The following ZNF839 variants were observed in gnomAD, a reference collection of about 807,000 sequenced individuals.
The protein encoded by ZNF839 is renal carcinoma antigen NY-REN-50.
A neutral mutation model predicts 56.4 loss-of-function variants in ZNF839; 38 were observed. The observed-to-expected ratio is 0.67, with a 90% confidence interval of 0.52 to 0.88. The LOEUF (loss-of-function observed/expected upper bound fraction) is 0.88, where lower values mean the gene tolerates loss of function less well. Among genes scored for constraint, ZNF839 ranks in the 40% least tolerant of loss-of-function variants. The pLI, the probability that ZNF839 is intolerant of heterozygous loss-of-function variation, is 0.00. For synonymous variants in ZNF839, 486 were observed against 493.5 expected, an observed-to-expected ratio of 0.98 and a Z score of 0.20; for missense variants, 1,091 against 1,177.6, an observed-to-expected ratio of 0.93 and a Z score of 1.08.
chr14:102,319,082 A>T (rs2072988539), upstream of ZNF839, among the ~76,000 whole-genome samples: 1 of 152,222 alleles, frequency 6.6e-6, no homozygotes, highest in South Asian at 2.1e-4. The surrounding 1 kb of genome is among the most constrained non-coding windows in gnomAD (Gnocchi z 4.5). Flanking sequence ...GGGGCAGTGG[A>T]GCTGGATGGA....
rs765056780 is a variant in ZNF839 at position 102,341,590 on chromosome 14, C to A, written c.2195C>A (p.Ser732Tyr). 1.3e-5 allele frequency: 21 copies of A among 1,613,768 alleles called. No homozygotes were observed. The highest frequency in any genetic ancestry group is 1.8e-5 in the Non-Finnish European group (21 of 1,179,800). The change falls in exon 8 of 8, where the codon TCT becomes TAT. Residue 732 changes from serine to tyrosine, a missense_variant. Ser to Tyr is a moderately radical substitution (Grantham distance 144). Transcript: ENST00000442396. ...AFPGENALEH[S>Y]SDQDTWDSLR... ...CCTGGAGAGAATGCTTTGGAACACT[C>A]TTCAGACCAGGACACCTGGGACAGC...
At position 102,321,403 on chromosome 14, in the gene ZNF839, C is replaced by G. The variant is rs565990515; in HGVS notation, c.288+1350C>G. Among the ~76,000 whole-genome samples, 3 of 152,286 alleles carry G rather than the reference C, an allele frequency of 2.0e-5. No homozygotes were observed. The East Asian group carries it at 5.8e-4, about 29-fold the overall frequency. On this transcript the variant is annotated intron_variant, in intron 1 of 7. Transcript: ENST00000442396. Reference sequence around the variant, plus strand: ...CTCACCATACCCTGCTGAATATGGCCACAGCTTTTTGGGTTTGGAATCCAA... The same window carrying G: ...CTCACCATACCCTGCTGAATATGGCGACAGCTTTTTGGGTTTGGAATCCAA...
chr14:102,338,850 G>T lies in ZNF839; in HGVS notation c.1694G>T (p.Arg565Leu), dbSNP rs140733581. 158 of 1,613,748 alleles carry T rather than the reference G, an allele frequency of 9.8e-5. 2 individuals carry two copies. The Admixed American group carries it at 2.6e-3, about 27-fold the overall frequency. Residue 565 changes from arginine to leucine, a missense_variant, in exon 6 of 8, where the codon CGG becomes CTG. This residue lies in a region of ZNF839 where 431 missense variants were observed against 468.0 expected (regional missense o/e 0.92). Coordinates refer to ENST00000442396, the MANE Select transcript of ZNF839 (RefSeq NM_018335.6). ...AESLGITEFL[R>L]KKEIHPDNLG... is the part of the protein sequence containing the mutation. ...TCATTAGGAATCACAGAATTCCTAC[G>T]GAAGAAAGAAATACACCCAGACAAC... is the stretch of plus-strand genomic sequence containing the variant.
chr14:102,323,275 G>T (rs1011636498), intron 1 of ZNF839, among the ~76,000 whole-genome samples: 1 of 152,222 alleles, frequency 6.6e-6, no homozygotes, highest in Non-Finnish European at 1.5e-5. Context: ...AGATGCTGCT[G>T]GCCATCCTCC....
At chr14:102,329,865 C>T (rs1348712247) in intron 2 of ZNF839, among the ~76,000 whole-genome samples, 1 of 145,424 alleles carries the variant, frequency 6.9e-6, no homozygotes, top group East Asian at 2.0e-4. Context: ...GTAATATCAG[C>T]TCACTGCAAC....
chr14:102,319,923 C>T lies in ZNF839; in HGVS notation c.158C>T (p.Pro53Leu), dbSNP rs1207974903. 2.6e-6 allele frequency: 3 copies of T among 1,176,042 alleles called. No individual in the cohort carries two copies. Among genetic ancestry groups the T allele is most frequent in the Middle Eastern group, 6.9e-4 (2 of 2,902 alleles). 72.9% of individuals were successfully genotyped at this position (1,176,042 alleles called of 1,614,324 possible). A position where few individuals can be genotyped will look rare whatever the true frequency, so the allele number is the denominator to read the frequency against. The change falls in exon 1 of 8, where the codon CCG becomes CTG. Residue 53 changes from proline to leucine, a missense_variant. Physicochemically the swap from Pro to Leu is moderately conservative, Grantham distance 98. Around this residue, in one of 3 missense-constraint regions of ZNF839, gnomAD observed 614 missense variants for 629.2 expected, o/e 0.98. Coordinates refer to ENST00000442396, the MANE Select transcript of ZNF839 (RefSeq NM_018335.6). The surrounding 1 kb of genome is among the most constrained non-coding windows in gnomAD (Gnocchi z 4.5). ...QVLEQVTKAQ[P>L]PPPPPPFVLR... ...CTGGAGCAGGTGACGAAGGCGCAGC[C>T]GCCGCCGCCGCCGCCCCCCTTCGTG... is the stretch of plus-strand genomic sequence containing the variant.
chr14:102,324,284 C>T (rs2073289243), intron 1 of ZNF839, among the ~76,000 whole-genome samples: 1 of 152,178 alleles, frequency 6.6e-6, no homozygotes, highest in Non-Finnish European at 1.5e-5. Flanking sequence ...GTGGTTCATG[C>T]CTGTAATCTC....
chr14:102,328,373 AAAATATATATATATAT>A (rs1418543732), intron 2 of ZNF839, among the ~76,000 whole-genome samples: 16 of 23,020 alleles, frequency 7.0e-4, no homozygotes, highest in African/African-American at 1.9e-3. Context: ...AAAAAAAAAA[AAAATATATATATATAT>A]ATATATATAT....
intron 2 of ZNF839, among the ~76,000 whole-genome samples, chr14:102,330,350 A>G (rs2073713225): frequency 6.6e-6 from 1 of 151,832 alleles, no homozygotes; most frequent in South Asian, 2.1e-4. Flanking sequence ...CTCCTGCCTC[A>G]GCCTCTCTAG....
intron 7 of ZNF839, among the ~76,000 whole-genome samples, chr14:102,340,810 G>A (rs1886425030): frequency 6.6e-6 from 1 of 152,144 alleles, no homozygotes; most frequent in South Asian, 2.1e-4. Flanking sequence ...GGTGGCTCAT[G>A]CCTGTAATCC....
At chr14:102,334,219 G>A (rs887581809) in intron 3 of ZNF839, among the ~76,000 whole-genome samples, 22 of 152,284 alleles carry the variant, frequency 1.4e-4, no homozygotes, top group South Asian at 4.1e-4. Context: ...TCCAGGCGCC[G>A]CCTCCAGCTG....
In ZNF839 at chr14:102,341,783, A is replaced by G; in HGVS notation, c.2388A>G (p.Ala796=). 1 of 1,614,026 alleles carries G rather than the reference A, an allele frequency of 6.2e-7. No homozygotes were observed. The highest frequency in any genetic ancestry group is 8.5e-7 in the Non-Finnish European group (1 of 1,179,900). Residue 796 remains alanine, a synonymous_variant, in exon 8 of 8, where the codon GCA becomes GCG. Coordinates refer to ENST00000442396, the MANE Select transcript of ZNF839 (RefSeq NM_018335.6). The part of the protein sequence containing the change: ...SPTSVLPTEV[A]APPLEKILSV... Reference sequence around the variant, plus strand: ...CCAGCGTCCTGCCTACAGAGGTGGCAGCCCCTCCGCTTGAGAAAATTTTGT... The same window carrying G: ...CCAGCGTCCTGCCTACAGAGGTGGCGGCCCCTCCGCTTGAGAAAATTTTGT...
chr14:102,329,788 CCTT>C (rs1182898822), intron 2 of ZNF839, among the ~76,000 whole-genome samples: 4 of 133,230 alleles, frequency 3.0e-5, no homozygotes, highest in African/African-American at 9.5e-5. Flanking sequence ...ATAGAGATAA[CCTT>C]TTTTTTTTTT....
At chr14:102,319,568 C>T (rs560518680), upstream of ZNF839, 11 of 603,280 alleles carry the variant, frequency 1.8e-5, no homozygotes, top group Admixed American at 4.5e-5. The surrounding 1 kb of genome is among the most constrained non-coding windows in gnomAD (Gnocchi z 4.5). Flanking sequence ...TAAGGGGGGT[C>T]CGCTCTGCTG....
intron 6 of ZNF839, 27 bp from the exon 7 acceptor site, chr14:102,339,067 C>T (rs375652236): frequency 1.2e-6 from 2 of 1,613,592 alleles, no homozygotes; most frequent in African/African-American, 1.3e-5. Flanking sequence ...CCTTCCTATT[C>T]TAGCTGATTG....
At chr14:102,329,285 T>C (rs1417537070) in intron 2 of ZNF839, among the ~76,000 whole-genome samples, 1 of 152,226 alleles carries the variant, frequency 6.6e-6, no homozygotes, top group Non-Finnish European at 1.5e-5. Context: ...TTTGGGTATA[T>C]ATCCAGAAGT....
At position 102,342,236 on chromosome 14, in the gene ZNF839, C is replaced by T. The variant is rs909880696; in HGVS notation, c.*57C>T. On this transcript the variant is annotated 3_prime_UTR_variant, in exon 8 of 8. Transcript: ENST00000442396. ...CGTCACCGTGGAGCCAGAGCCCTCA[C>T]AGTGAAGTGGAGTCAGATCCTAGAT... 3.6e-5 allele frequency: 55 copies of T among 1,540,682 alleles called. No individual in the cohort carries two copies. The highest frequency in any genetic ancestry group is 6.0e-5 in the Admixed American group (3 of 50,324).
chr14:102,340,370 C>T (rs991363232), intron 7 of ZNF839, among the ~76,000 whole-genome samples: 1 of 151,768 alleles, frequency 6.6e-6, no homozygotes, highest in African/African-American at 2.4e-5. Context: ...CTCCCAGGCT[C>T]AAGCAATTCT....
chr14:102,328,375 A>AAAATATATATAT (rs1197718891), intron 2 of ZNF839, among the ~76,000 whole-genome samples: 11 of 16,336 alleles, frequency 6.7e-4, no homozygotes, highest in Admixed American at 1.8e-3. Flanking sequence ...AAAAAAAAAA[A>AAAATATATATAT]ATATATATAT....
Sources: allele counts gnomAD v4.1 joint callset (sites outside exome capture counted in the v4.1 genomes callset), GRCh38; gene constraint gnomAD v4.1.1; regional missense constraint gnomAD v4.1.1; non-coding constraint Gnocchi (gnomAD v3.1); transcripts MANE v1.5; gene names NCBI Gene and HGNC (gene_info 2026-07-23, HGNC 2026-07-21).